The following PDE4B variants were observed in gnomAD, a reference collection of about 807,000 sequenced individuals.
The protein encoded by PDE4B is 3',5'-cyclic-AMP phosphodiesterase 4B.
Under a neutral mutation model 82.2 loss-of-function variants are expected in PDE4B, and 20 were observed. The ratio of observed to expected loss-of-function variants is 0.24; its 90% CI spans 0.17 to 0.35. PDE4B has a LOEUF of 0.35. Ranked by LOEUF, PDE4B falls within the 10% of genes least tolerant of loss-of-function variation. The probability of loss-of-function intolerance (pLI) is 1.00; values close to 1 mark genes in which losing one functional copy is unlikely to be tolerated. For synonymous variants in PDE4B, 320 were observed against 318.9 expected (o/e 1.00, Z -0.04); for missense variants, 655 against 907.2 (o/e 0.72, Z 3.57).
chr1:66,140,101 A>G (rs891802043), intron 3 of PDE4B, among the ~76,000 whole-genome samples: 14 of 152,204 alleles, frequency 9.2e-5, no homozygotes, highest in African/African-American at 3.4e-4. Context: ...AACGCCTTGA[A>G]AAGAGGGACC....
At chr1:66,322,159 A>G (rs1659449359) in intron 7 of PDE4B, among the ~76,000 whole-genome samples, 1 of 152,242 alleles carries the variant, frequency 6.6e-6, no homozygotes, top group Non-Finnish European at 1.5e-5. Flanking sequence ...TATACCGTAT[A>G]CAAAAATTAA....
At chr1:65,838,058 C>T (rs1480367391) in intron 1 of PDE4B, among the ~76,000 whole-genome samples, 3 of 152,104 alleles carry the variant, frequency 2.0e-5, no homozygotes, top group African/African-American at 7.2e-5. Context: ...AAAATAAATG[C>T]ATTTTATTTT....
intron 3 of PDE4B, among the ~76,000 whole-genome samples, chr1:66,011,661 G>A: frequency 6.6e-6 from 1 of 152,164 alleles, no homozygotes; most frequent in Middle Eastern, 3.4e-3. Context: ...TTAAAAAAAT[G>A]AGTGTTTTTT....
chr1:66,103,222 G>A (rs1402440749), intron 3 of PDE4B, among the ~76,000 whole-genome samples: 1 of 152,006 alleles, frequency 6.6e-6, no homozygotes, highest in Non-Finnish European at 1.5e-5. Flanking sequence ...AGCATTGTGG[G>A]GTAAGAGAAA....
At chr1:66,142,536 A>C (rs955498890) in intron 3 of PDE4B, among the ~76,000 whole-genome samples, 1 of 152,210 alleles carries the variant, frequency 6.6e-6, no homozygotes, top group East Asian at 1.9e-4. Context: ...GCAGTGTTAG[A>C]AAGCAAGCAT....
intron 7 of PDE4B, among the ~76,000 whole-genome samples, chr1:66,321,849 G>C (rs576006552): frequency 6.2e-4 from 94 of 152,094 alleles, no homozygotes; most frequent in African/African-American, 2.2e-3. Context: ...AACCAAAAAA[G>C]AGCCCGCATG....
At chr1:66,105,539 C>T (rs542479361) in intron 3 of PDE4B, among the ~76,000 whole-genome samples, 133 of 152,232 alleles carry the variant, frequency 8.7e-4, no homozygotes, top group African/African-American at 2.7e-3. Context: ...GCAGTATAGC[C>T]ATTTTCATGA....
chr1:66,011,188 GT>G (rs990156027), intron 3 of PDE4B, among the ~76,000 whole-genome samples: 2 of 114,436 alleles, frequency 1.7e-5, no homozygotes, highest in African/African-American at 6.7e-5. Flanking sequence ...TTGTTTTTAT[GT>G]TTTTTTGCTA....
At chr1:66,345,107 A>G (rs962361845) in intron 8 of PDE4B, among the ~76,000 whole-genome samples, 2 of 152,080 alleles carry the variant, frequency 1.3e-5, no homozygotes, top group African/African-American at 4.8e-5. Flanking sequence ...TTGTATCCCC[A>G]TTTTCAGATA....
intron 3 of PDE4B, among the ~76,000 whole-genome samples, chr1:65,949,088 C>T (rs1454076688): frequency 2.0e-5 from 3 of 151,988 alleles, no homozygotes; most frequent in Non-Finnish European, 4.4e-5. Context: ...TTCTGTCCAC[C>T]GCTCTTCTAT....
chr1:66,006,645 G>T (rs1254513963), intron 3 of PDE4B, among the ~76,000 whole-genome samples: 2 of 152,106 alleles, frequency 1.3e-5, no homozygotes, highest in African/African-American at 4.8e-5. Flanking sequence ...TGTCATGGGA[G>T]GGACCTGGTG....
At chr1:65,956,453 G>A (rs957180807) in intron 3 of PDE4B, among the ~76,000 whole-genome samples, 6 of 151,996 alleles carry the variant, frequency 3.9e-5, no homozygotes, top group Non-Finnish European at 8.8e-5. Flanking sequence ...GTACATGTCT[G>A]CAGGCACACA....
At chr1:66,221,137 C>A (rs570958314) in intron 3 of PDE4B, among the ~76,000 whole-genome samples, 1 of 152,152 alleles carries the variant, frequency 6.6e-6, no homozygotes, top group African/African-American at 2.4e-5. Flanking sequence ...ACCAAGGCAG[C>A]CCTAGAGAGA....
intron 1 of PDE4B, among the ~76,000 whole-genome samples, chr1:65,889,518 T>A (rs1389665414): frequency 1.3e-5 from 2 of 148,348 alleles, no homozygotes; most frequent in African/African-American, 5.0e-5. Context: ...GCTAAAAAAA[T>A]AAATAAAATG....
At chr1:66,238,647 G>A (rs1652649605) in intron 3 of PDE4B, among the ~76,000 whole-genome samples, 1 of 152,016 alleles carries the variant, frequency 6.6e-6, no homozygotes, top group African/African-American at 2.4e-5. Context: ...AGGAGGTTGG[G>A]AAGGGAAGTA....
intron 3 of PDE4B, among the ~76,000 whole-genome samples, chr1:66,208,759 T>C (rs1260644529): frequency 2.0e-5 from 3 of 152,212 alleles, no homozygotes; most frequent in African/African-American, 4.8e-5. Flanking sequence ...AATGAGTAGG[T>C]CAATTAAATA....
intron 3 of PDE4B, among the ~76,000 whole-genome samples, chr1:65,951,963 C>T (rs1316920584): frequency 6.6e-6 from 1 of 152,048 alleles, no homozygotes; most frequent in African/African-American, 2.4e-5. Flanking sequence ...ATGGCTGAAA[C>T]CTGTGGGTTT....
intron 3 of PDE4B, among the ~76,000 whole-genome samples, chr1:65,972,129 C>A (rs1016281329): frequency 6.6e-6 from 1 of 152,048 alleles, no homozygotes. Flanking sequence ...TTATTTTAAA[C>A]TTATATGTTT....
At chr1:66,251,476 C>G (rs907250425) in intron 4 of PDE4B, among the ~76,000 whole-genome samples, 1 of 152,180 alleles carries the variant, frequency 6.6e-6, no homozygotes, top group Non-Finnish European at 1.5e-5. Flanking sequence ...CATATTCATT[C>G]TCTCTTTTAA....
Sources: gnomAD v4.1 joint callset for allele counts (sites outside exome capture counted in the v4.1 genomes callset) on GRCh38, gnomAD v4.1.1 for gene constraint, MANE v1.5 for transcripts, NCBI Gene and HGNC (gene_info 2026-07-23, HGNC 2026-07-21) for gene names.